FAM153A: variants seen among roughly 807,000 people sequenced by gnomAD.
The protein encoded by FAM153A is family with sequence similarity 153 member A, also known as protein FAM153A.
In FAM153A, 12 loss-of-function variants were observed where a neutral mutation model predicts 48.1. The ratio of observed to expected loss-of-function variants is 0.25; its 90% CI spans 0.16 to 0.40. The LOEUF is 0.40. FAM153A is among the 10% of genes least tolerant of loss of function. The pLI, the probability that FAM153A is intolerant of heterozygous loss-of-function variation, is 1.00. For synonymous variants in FAM153A, 36 were observed against 118.2 expected (o/e 0.30, Z 4.51); for missense variants, 111 against 345.8 (o/e 0.32, Z 5.38).
chr5:177,743,187 CTTG>C (rs1390810455), intron 6 of FAM153A, among the ~76,000 whole-genome samples: 1 of 77,904 alleles, frequency 1.3e-5, no homozygotes, highest in African/African-American at 4.2e-5. Flanking sequence ...ACTGCATTCA[CTTG>C]TTTTTTTTTT....
chr5:177,718,781 AT>A (rs993361608), downstream of FAM153A, among the ~76,000 whole-genome samples: 33 of 143,898 alleles, frequency 2.3e-4, 1 homozygote, highest in African/African-American at 8.2e-4. Context: ...TAAGACATAA[AT>A]GAGTCAATAA....
rs1289692496 is a variant in FAM153A, at chr5:177,766,059, T to C, written c.-57+14390A>G. Reference sequence around the variant, plus strand: ...TTGAACTCGGGCGGCAGAGGTTGCATTGAGCCAAGATTGTGCCACTGCACT... The same window carrying C: ...TTGAACTCGGGCGGCAGAGGTTGCACTGAGCCAAGATTGTGCCACTGCACT... On this transcript the variant is annotated intron_variant, in intron 1 of 8. Transcript: ENST00000393518. 6.4e-5 allele frequency among the ~76,000 whole-genome samples: 7 copies of C among 108,828 alleles called. 2 individuals are homozygous for C. The highest frequency in any genetic ancestry group is 1.4e-4 in the Non-Finnish European group (7 of 48,500). The allele number at this position is 108,828 out of a possible 152,430, so 71.4% of individuals were successfully genotyped here.
downstream of FAM153A, among the ~76,000 whole-genome samples, chr5:177,705,663 T>TTTTTTTTTTTTTTTTTTTTTTA (rs1757819010): frequency 9.7e-6 from 1 of 103,262 alleles, no homozygotes; most frequent in Non-Finnish European, 1.9e-5. Context: ...TTTTTCTTTT[T>TTTTTTTTTTTTTTTTTTTTTTA]TTTTTTTTTT....
downstream of FAM153A, chr5:177,722,181 G>A (rs1389733908): frequency 7.7e-6 from 1 of 130,104 alleles, no homozygotes; most frequent in Non-Finnish European, 1.6e-5. Flanking sequence ...AGGTGCTGGG[G>A]TGCAGTGGCA....
the FAM153A span, among the ~76,000 whole-genome samples, chr5:177,696,310 G>A: frequency 4.8e-5 from 7 of 145,360 alleles, no homozygotes; most frequent in Admixed American, 6.9e-5. Context: ...GGTGGCGGCC[G>A]GGCAGAGGCG....
the FAM153A span, among the ~76,000 whole-genome samples, chr5:177,702,395 T>C: frequency 1.3e-5 from 2 of 151,718 alleles, no homozygotes; most frequent in African/African-American, 2.4e-5. Flanking sequence ...CTCATATGCA[T>C]GAGCAAAGAA....
chr5:177,713,705 C>G (rs963514349), intron 26 of FAM153A: 1 of 151,830 alleles, frequency 6.6e-6, no homozygotes, highest in Non-Finnish European at 1.5e-5. Context: ...TTTGCCCAGC[C>G]AAGATTGAAA....
rs372951858 is a variant in FAM153A at position 177,724,393 on chromosome 5, A to G, written c.1003-31T>C. On this transcript the variant is annotated intron_variant, in intron 19 of 20. Coordinates refer to ENST00000614127, the Ensembl canonical transcript of FAM153A. ...AGGAAGAGAACAATTGTGCATGTCCAGAGACGCCAGTGCAGGAAAAGACCT... is the reference window on the plus strand; with the variant it reads ...AGGAAGAGAACAATTGTGCATGTCCGGAGACGCCAGTGCAGGAAAAGACCT... The G allele has an allele frequency of 5.6e-6, 9 of 1,603,684 alleles. No individual in the cohort carries two copies. In the African/African-American group the frequency reaches 9.5e-5, roughly 17 times the overall value.
intron 4 of FAM153A, among the ~76,000 whole-genome samples, chr5:177,746,101 T>C (rs1366704233): frequency 6.6e-6 from 1 of 151,622 alleles, no homozygotes; most frequent in Non-Finnish European, 1.5e-5. Context: ...AGTTCACATG[T>C]GCCTCTTCCA....
At chr5:177,715,933 C>T (rs1216653934) in intron 25 of FAM153A, among the ~76,000 whole-genome samples, 1 of 151,260 alleles carries the variant, frequency 6.6e-6, no homozygotes, top group Non-Finnish European at 1.5e-5. Context: ...ACCTTGGCCT[C>T]TAAAAGTGCT....
In FAM153A at chr5:177,734,071, G is replaced by C. The variant is rs1364117467; in HGVS notation, c.760+309C>G. Among the ~76,000 whole-genome samples, 2 of 118,224 alleles carry C rather than the reference G, an allele frequency of 1.7e-5. 1 individual carries two copies. Among genetic ancestry groups the C allele is most frequent in the Admixed American group, 1.8e-4 (2 of 11,004 alleles). The allele number at this position is 118,224 out of a possible 152,430, so 77.6% of individuals were successfully genotyped here. ...ACACTAGAAAATCCGGGGATATGTA[G>C]TACGGAAACCCACACACACACCCCC... On this transcript the variant is annotated intron_variant, in intron 14 of 20. Transcript: ENST00000614127.
At chr5:177,719,199 C>T (rs1760560797), downstream of FAM153A, among the ~76,000 whole-genome samples, 1 of 151,192 alleles carries the variant, frequency 6.6e-6, no homozygotes, top group South Asian at 2.1e-4. Flanking sequence ...TTATACTTGA[C>T]ATGAGAAAAC....
chr5:177,729,501 G>C (rs1763376080), exon 17 of FAM153A: 1 of 1,607,736 alleles, frequency 6.2e-7, no homozygotes, highest in Non-Finnish European at 8.5e-7. Context: ...AACCCCTGTG[G>C]CTTCCTCAGA....
chr5:177,728,600 G>C (rs568018723), intron 18 of FAM153A, among the ~76,000 whole-genome samples: 3 of 143,026 alleles, frequency 2.1e-5, no homozygotes, highest in Non-Finnish European at 1.5e-5. Context: ...ACGGAGTTTC[G>C]CTCGTTGCCC....
chr5:177,747,395 G>A (rs1415190471), intron 4 of FAM153A: 1 of 130,946 alleles, frequency 7.6e-6, no homozygotes, highest in Non-Finnish European at 1.6e-5. Context: ...AAATGCAGTG[G>A]TGATCAAATT....
At chr5:177,703,664 G>T (rs372611916), downstream of FAM153A, among the ~76,000 whole-genome samples, 10,396 of 118,148 alleles carry the variant, frequency 0.088, 388 homozygotes, top group East Asian at 0.26. Flanking sequence ...CGGGCATGGT[G>T]GGGGGTGATT....
chr5:177,756,180 G>C (rs2127705045), upstream of FAM153A, among the ~76,000 whole-genome samples: 1 of 150,560 alleles, frequency 6.6e-6, no homozygotes, highest in Non-Finnish European at 1.5e-5. Context: ...GGCAGGGGTT[G>C]CAATCCTAAT....
intron 1 of FAM153A, among the ~76,000 whole-genome samples, chr5:177,761,376 G>T (rs1428301585): frequency 6.6e-6 from 1 of 151,704 alleles, no homozygotes; most frequent in Non-Finnish European, 1.5e-5. Context: ...GCCTGTGAAT[G>T]ACCTTGTGAG....
At chr5:177,699,933 AT>A in the FAM153A span, among the ~76,000 whole-genome samples, 1 of 151,966 alleles carries the variant, frequency 6.6e-6, no homozygotes. Flanking sequence ...AATATCTCCT[AT>A]GAATTTAGAT....
Sources: gnomAD v4.1 joint callset for allele counts (sites outside exome capture counted in the v4.1 genomes callset) on GRCh38, gnomAD v4.1.1 for gene constraint, MANE v1.5 for transcripts, NCBI Gene and HGNC (gene_info 2026-07-23, HGNC 2026-07-21) for gene names.